The following EYS variants were observed in gnomAD, a reference collection of about 807,000 sequenced individuals.
EYS encodes protein eyes shut homolog.
A neutral mutation model predicts 282.1 loss-of-function variants in EYS; 250 were observed. The ratio of observed to expected loss-of-function variants is 0.89; its 90% CI spans 0.80 to 0.98. EYS has a LOEUF of 0.98. EYS is among the 50% of genes least tolerant of loss of function. The pLI is 0.00. For synonymous variants in EYS, 1,355 were observed against 1,282.9 expected (o/e 1.06, Z -1.20); for missense variants, 4,016 against 3,709.0 (o/e 1.08, Z -2.15).
chr6:63,902,531 A>C (rs1006196111), intron 35 of EYS, among the ~76,000 whole-genome samples: 5 of 152,140 alleles, frequency 3.3e-5, no homozygotes, highest in African/African-American at 1.2e-4. Context: ...AGTAATTATA[A>C]CATTGTATTT....
chr6:65,082,047 C>T (rs1008570712), intron 12 of EYS, among the ~76,000 whole-genome samples: 1 of 152,022 alleles, frequency 6.6e-6, no homozygotes, highest in African/African-American at 2.4e-5. Flanking sequence ...TTTACAATTA[C>T]CCTGAGTTCA....
intron 35 of EYS, among the ~76,000 whole-genome samples, chr6:63,878,089 T>A (rs1351679307): frequency 2.0e-5 from 3 of 152,202 alleles, no homozygotes; most frequent in Non-Finnish European, 4.4e-5. Context: ...TGCTCTGGTT[T>A]CTCCCTATCT....
intron 30 of EYS, among the ~76,000 whole-genome samples, chr6:64,238,198 A>G (rs1766675772): frequency 6.6e-6 from 1 of 152,156 alleles, no homozygotes; most frequent in East Asian, 1.9e-4. Flanking sequence ...AGTCACAAAT[A>G]GGATTCCTTA....
At chr6:64,174,969 T>C (rs1174926989) in intron 31 of EYS, among the ~76,000 whole-genome samples, 2 of 152,200 alleles carry the variant, frequency 1.3e-5, no homozygotes, top group Admixed American at 6.5e-5. Flanking sequence ...CTTTGCAAGG[T>C]TGTTAGAAAT....
chr6:64,451,718 T>G (rs188057330), intron 26 of EYS, among the ~76,000 whole-genome samples: 2 of 152,144 alleles, frequency 1.3e-5, no homozygotes, highest in Non-Finnish European at 2.9e-5. Flanking sequence ...CGAAAATCAA[T>G]AAACGTAATC....
At chr6:64,849,510 T>A (rs1287424564) in intron 19 of EYS, among the ~76,000 whole-genome samples, 3 of 152,042 alleles carry the variant, frequency 2.0e-5, no homozygotes, top group African/African-American at 7.2e-5. Context: ...TTAAGCAGAC[T>A]TAGCAGCTTA....
intron 12 of EYS, among the ~76,000 whole-genome samples, chr6:65,282,495 AGTT>A (rs1768251664): frequency 6.6e-6 from 1 of 152,022 alleles, no homozygotes; most frequent in South Asian, 2.1e-4. Flanking sequence ...AACAAAAATA[AGTT>A]GTTAACACGT....
At position 65,510,993 on chromosome 6, in the gene EYS, TA is replaced by T. The variant is rs537980170; in HGVS notation, c.-332-15001del. Among the ~76,000 whole-genome samples, 322 of 152,322 alleles carry T rather than the reference TA, an allele frequency of 2.1e-3. 1 individual carries two copies. Among genetic ancestry groups the T allele is most frequent in the Non-Finnish European group, 3.5e-3 (237 of 68,020 alleles). ...ACTTAAAACACTTTAAGGCGAGGGT[TA>T]ATTTGTGAAGAATTTGTGAATAGGA... On this transcript the variant is annotated intron_variant, in intron 2 of 42. Coordinates refer to ENST00000503581, the MANE Select transcript of EYS (RefSeq NM_001142800.2).
At chr6:64,746,836 G>C (rs968634017) in intron 22 of EYS, among the ~76,000 whole-genome samples, 2 of 152,234 alleles carry the variant, frequency 1.3e-5, no homozygotes. Flanking sequence ...CTTTGGCATA[G>C]TCATAAATAT....
intron 31 of EYS, among the ~76,000 whole-genome samples, chr6:64,139,163 G>A (rs983946477): frequency 1.3e-5 from 2 of 152,138 alleles, no homozygotes; most frequent in African/African-American, 4.8e-5. Context: ...ATAAGAAAAT[G>A]TATGGAAAAT....
chr6:64,740,858 C>T (rs1430690301), intron 22 of EYS, among the ~76,000 whole-genome samples: 2 of 151,984 alleles, frequency 1.3e-5, no homozygotes, highest in African/African-American at 4.8e-5. Flanking sequence ...GGACTACAGG[C>T]GCCAGCCACC....
At chr6:64,394,464 C>A (rs186672098) in intron 28 of EYS, among the ~76,000 whole-genome samples, 2 of 151,944 alleles carry the variant, frequency 1.3e-5, no homozygotes, top group African/African-American at 2.4e-5. Context: ...TAGAGCCCTC[C>A]GAAATAACGC....
intron 1 of EYS, among the ~76,000 whole-genome samples, chr6:65,664,984 G>A (rs1337466230): frequency 2.0e-5 from 3 of 152,140 alleles, no homozygotes; most frequent in Non-Finnish European, 4.4e-5. Context: ...ATCAGGAAAA[G>A]AGCTCTTAAT....
chr6:65,044,197 A>C (rs1310514725), intron 13 of EYS, among the ~76,000 whole-genome samples: 1 of 151,526 alleles, frequency 6.6e-6, no homozygotes, highest in Admixed American at 6.6e-5. Flanking sequence ...CTTTTGAGAA[A>C]CGTCTGTTCA....
At chr6:64,915,548 A>T (rs574781618) in intron 15 of EYS, among the ~76,000 whole-genome samples, 1 of 152,290 alleles carries the variant, frequency 6.6e-6, no homozygotes, top group African/African-American at 2.4e-5. Context: ...AAGTATATAT[A>T]GTGCCTGGAA....
intron 31 of EYS, among the ~76,000 whole-genome samples, chr6:64,223,965 C>T (rs1766180634): frequency 6.6e-6 from 1 of 151,966 alleles, no homozygotes; most frequent in South Asian, 2.1e-4. Flanking sequence ...TTATCCATAT[C>T]TTTTGTGCCA....
At chr6:64,513,058 A>G (rs1777456964) in intron 26 of EYS, among the ~76,000 whole-genome samples, 1 of 151,930 alleles carries the variant, frequency 6.6e-6, no homozygotes, top group Non-Finnish European at 1.5e-5. Flanking sequence ...ATCCAAACAT[A>G]GTACATTTTT....
intron 35 of EYS, among the ~76,000 whole-genome samples, chr6:63,908,718 T>G (rs1773845130): frequency 6.6e-6 from 1 of 152,170 alleles, no homozygotes; most frequent in African/African-American, 2.4e-5. Context: ...CCCACAGTGC[T>G]GGGATTACAG....
intron 33 of EYS, among the ~76,000 whole-genome samples, chr6:64,027,307 T>C (rs1277393776): frequency 6.6e-6 from 1 of 152,196 alleles, no homozygotes; most frequent in Non-Finnish European, 1.5e-5. Flanking sequence ...TCCTTCTGCC[T>C]TCCTCAAGTG....
Sources: allele counts gnomAD v4.1 joint callset (sites outside exome capture counted in the v4.1 genomes callset), GRCh38; gene constraint gnomAD v4.1.1; transcripts MANE v1.5; gene names NCBI Gene and HGNC (gene_info 2026-07-23, HGNC 2026-07-21).